The following OPCML variants were observed in gnomAD, a reference collection of about 807,000 sequenced individuals.
OPCML encodes the protein opioid binding protein/cell adhesion molecule like.
OPCML carries 13 observed loss-of-function variants against 37.8 expected under a neutral mutation model. The observed-to-expected ratio is 0.34, with a 90% CI of 0.22 to 0.55. The LOEUF (loss-of-function observed/expected upper bound fraction) is 0.55. Ranked by LOEUF, OPCML falls within the 20% of genes least tolerant of loss-of-function variation. OPCML has a pLI of 0.91. For synonymous variants in OPCML, 176 were observed against 168.8 expected (o/e 1.04, Z -0.33); for missense variants, 341 against 435.6 (o/e 0.78, Z 1.93).
chr11:132,451,858 A>G (rs2096069094), intron 4 of OPCML, among the ~76,000 whole-genome samples: 1 of 152,124 alleles, frequency 6.6e-6, no homozygotes, highest in African/African-American at 2.4e-5. Context: ...AAAAACTGTT[A>G]TCAACGCAGT....
At chr11:133,125,352 C>G (rs1288085958) in intron 1 of OPCML, among the ~76,000 whole-genome samples, 2 of 151,916 alleles carry the variant, frequency 1.3e-5, no homozygotes, top group East Asian at 3.9e-4. Flanking sequence ...GCCTCTATCT[C>G]TTTTTCTCTT....
intron 1 of OPCML, among the ~76,000 whole-genome samples, chr11:133,140,748 G>GAAGAAGACGACGAA (rs1949772243): frequency 1.6e-5 from 1 of 62,074 alleles, no homozygotes; most frequent in African/African-American, 4.3e-5. Flanking sequence ...ACGACGACGA[G>GAAGAAGACGACGAA]GAAGAAGAAG....
intron 2 of OPCML, among the ~76,000 whole-genome samples, chr11:132,929,372 G>C (rs549745168): frequency 3.3e-5 from 5 of 152,146 alleles, no homozygotes; most frequent in African/African-American, 9.6e-5. Flanking sequence ...TAGAAAGACA[G>C]AGTCTGTCAA....
chr11:132,991,738 T>G (rs1172741512), intron 1 of OPCML, among the ~76,000 whole-genome samples: 1 of 152,188 alleles, frequency 6.6e-6, no homozygotes, highest in Non-Finnish European at 1.5e-5. Context: ...CTTCTCCCAG[T>G]GCCTTCATTT....
intron 1 of OPCML, among the ~76,000 whole-genome samples, chr11:133,069,716 G>A (rs10894647): frequency 0.47 from 71,814 of 152,118 alleles, 18,349 homozygotes; most frequent in Middle Eastern, 0.6. Context: ...TTTCCTGGGC[G>A]TGTTTCTGCA....
intron 1 of OPCML, among the ~76,000 whole-genome samples, chr11:133,507,022 T>TC (rs991663982): frequency 6.6e-4 from 101 of 152,326 alleles, no homozygotes; most frequent in African/African-American, 2.3e-3. Context: ...TGTGGGTCTT[T>TC]CCCCCACTTC....
chr11:132,841,860 CAAAAAAAAAAAAAAAA>C (rs71067402), intron 2 of OPCML, among the ~76,000 whole-genome samples: 2 of 34,684 alleles, frequency 5.8e-5, no homozygotes, highest in Admixed American at 4.8e-4. Flanking sequence ...CACTCTATCT[CAAAAAAAAAAAAAAAA>C]AAAAAAAAAA....
intron 1 of OPCML, among the ~76,000 whole-genome samples, chr11:133,373,448 T>TATATATATATATATATATACACACAC (rs966091785): frequency 5.3e-5 from 7 of 132,172 alleles, no homozygotes; most frequent in African/African-American, 2.2e-4. Flanking sequence ...TATATATATA[T>TATATATATATATATATATACACACAC]ACACACACAC....
At chr11:133,423,202 A>G (rs531083090) in intron 1 of OPCML, 42 of 985,374 alleles carry the variant, frequency 4.3e-5, no homozygotes, top group South Asian at 2.3e-4. Context: ...TCAGTACTCA[A>G]TCATCCCCTT....
chr11:132,734,961 A>C (rs925930361), intron 2 of OPCML, among the ~76,000 whole-genome samples: 1 of 152,232 alleles, frequency 6.6e-6, no homozygotes, highest in Non-Finnish European at 1.5e-5. Flanking sequence ...AAAGCTTAGC[A>C]AAACTATCGC....
intron 3 of OPCML, among the ~76,000 whole-genome samples, chr11:132,589,096 C>G (rs1332758018): frequency 6.6e-6 from 1 of 152,058 alleles, no homozygotes; most frequent in African/African-American, 2.4e-5. Flanking sequence ...GTGAACATAA[C>G]CTCCATCAGT....
intron 1 of OPCML, among the ~76,000 whole-genome samples, chr11:133,269,174 A>G (rs970149752): frequency 3.3e-5 from 5 of 152,220 alleles, no homozygotes; most frequent in African/African-American, 9.6e-5. Flanking sequence ...TTCTCTGGGA[A>G]GAAGGGCATC....
intron 4 of OPCML, among the ~76,000 whole-genome samples, chr11:132,511,866 T>G (rs751186282): frequency 6.6e-6 from 1 of 152,070 alleles, no homozygotes; most frequent in Middle Eastern, 3.2e-3. Context: ...AAATTGGACT[T>G]CATCCAAATG....
intron 1 of OPCML, among the ~76,000 whole-genome samples, chr11:133,242,269 C>A (rs190132799): frequency 1.3e-5 from 2 of 152,066 alleles, no homozygotes; most frequent in African/African-American, 4.8e-5. Context: ...AGCTTCAGAG[C>A]GGCAAAGTGA....
intron 1 of OPCML, chr11:133,419,376 C>T: frequency 1.0e-6 from 1 of 980,112 alleles, no homozygotes; most frequent in Non-Finnish European, 1.2e-6. Context: ...CTTCTACCCA[C>T]TCGTCAGAGC....
intron 1 of OPCML, among the ~76,000 whole-genome samples, chr11:133,158,794 C>G (rs1950103710): frequency 6.7e-6 from 1 of 148,930 alleles, no homozygotes; most frequent in African/African-American, 2.5e-5. Context: ...TATGAAAGCC[C>G]CTCATTAGAA....
chr11:132,543,385 C>T (rs1034459694), intron 3 of OPCML, among the ~76,000 whole-genome samples: 17 of 151,816 alleles, frequency 1.1e-4, no homozygotes, highest in African/African-American at 2.2e-4. Flanking sequence ...TGGTGGCATG[C>T]GCTTATAGTC....
At chr11:133,198,468 G>A (rs1395327686) in intron 1 of OPCML, among the ~76,000 whole-genome samples, 1 of 152,236 alleles carries the variant, frequency 6.6e-6, no homozygotes, top group Admixed American at 6.5e-5. Flanking sequence ...GTGACAACAT[G>A]TAATAGGAGA....
intron 1 of OPCML, among the ~76,000 whole-genome samples, chr11:133,362,573 C>T (rs574505042): frequency 6.6e-6 from 1 of 152,318 alleles, no homozygotes; most frequent in South Asian, 2.1e-4. Context: ...AGGGAAGATT[C>T]CATCTCTCTC....
Sources: allele counts gnomAD v4.1 joint callset (sites outside exome capture counted in the v4.1 genomes callset), GRCh38; gene constraint gnomAD v4.1.1; transcripts MANE v1.5; gene names NCBI Gene and HGNC (gene_info 2026-07-23, HGNC 2026-07-21).